The following PDZD8 variants were observed in gnomAD, a reference collection of about 807,000 sequenced individuals.
PDZD8 encodes the protein PDZ domain-containing protein 8.
In PDZD8, 14 loss-of-function variants were observed where a neutral mutation model predicts 85.8. The observed-to-expected ratio is 0.16, with a 90% CI of 0.11 to 0.26. The LOEUF is 0.26. Among genes scored for constraint, PDZD8 ranks in the 10% least tolerant of loss-of-function variants. The pLI, the probability that PDZD8 is intolerant of heterozygous loss-of-function variation, is 1.00. For missense variants in PDZD8, 1,197 were observed against 1,424.3 expected, an observed-to-expected ratio of 0.84 and a Z score of 2.57; for synonymous variants, 592 against 568.6, an observed-to-expected ratio of 1.04 and a Z score of -0.59.
At chr10:117,289,866 C>T (rs1844725957) in intron 4 of PDZD8, among the ~76,000 whole-genome samples, 1 of 152,034 alleles carries the variant, frequency 6.6e-6, no homozygotes, top group Admixed American at 6.6e-5. Flanking sequence ...TGTTTATTTG[C>T]CCTTACTTTC....
At chr10:117,325,425 C>CA (rs1233379409) in intron 2 of PDZD8, among the ~76,000 whole-genome samples, 2 of 9,792 alleles carry the variant, frequency 2.0e-4, no homozygotes, top group African/African-American at 4.0e-4. Context: ...TTTTTTGAGA[C>CA]AGAGTCTAGC....
intron 3 of PDZD8, among the ~76,000 whole-genome samples, chr10:117,317,333 T>G (rs1282621876): frequency 1.3e-5 from 2 of 152,170 alleles, no homozygotes; most frequent in African/African-American, 4.8e-5. Context: ...TGAATCCTAC[T>G]CCCTGATGTT....
chr10:117,373,870 T>C (rs559109049), intron 1 of PDZD8, among the ~76,000 whole-genome samples: 1 of 152,332 alleles, frequency 6.6e-6, no homozygotes, highest in East Asian at 1.9e-4. Context: ...AAAGCAAAAG[T>C]GGCTTGCAAT....
chr10:117,344,131 C>T (rs546579204), intron 1 of PDZD8, among the ~76,000 whole-genome samples: 5 of 152,130 alleles, frequency 3.3e-5, no homozygotes, highest in Non-Finnish European at 7.3e-5. Flanking sequence ...ACTTAAAAAC[C>T]CAAACTAGGA....
intron 3 of PDZD8, among the ~76,000 whole-genome samples, chr10:117,306,612 C>T (rs928626590): frequency 8.6e-5 from 13 of 151,846 alleles, no homozygotes; most frequent in African/African-American, 3.1e-4. Flanking sequence ...AGATGACTTA[C>T]ATCTTACTAA....
Position 117,374,468 on chromosome 10 carries a change from C to T in PDZD8, c.760G>A (p.Glu254Lys). The stretch of plus-strand genomic sequence containing the variant: ...CGCCCTTCAAACTGGGAGCGCACCT[C>T]GAAGTCGATCAGCGGGTCTTCCACG... Reference protein sequence around the residue: ...SFVEDPLIDFEVRSQFEGRPM... With the variant: ...SFVEDPLIDFKVRSQFEGRPM... Residue 254 changes from glutamate (E) to lysine (K), a missense_variant, in exon 1 of 5, where the codon GAG becomes AAG. By Grantham distance (56) the Glu-to-Lys change is moderately conservative. Coordinates refer to ENST00000334464, the MANE Select transcript of PDZD8 (RefSeq NM_173791.5). The surrounding 1 kb of genome is among the most constrained non-coding windows in gnomAD (Gnocchi z 7.8). 6.2e-7 allele frequency: 1 copy of T among 1,614,114 alleles called. No homozygotes were observed. Among genetic ancestry groups the T allele is most frequent in the South Asian group, 1.1e-5 (1 of 91,064 alleles).
rs547819859 is a variant in PDZD8 at position 117,348,566 on chromosome 10, T to C, written c.873-7464A>G. Reference sequence around the variant, plus strand: ...TTGGGTTTTGGTGAGGCCTTTCTCCTTGGCTTGGCGATGGCTGCCTTCTCA... The same window carrying C: ...TTGGGTTTTGGTGAGGCCTTTCTCCCTGGCTTGGCGATGGCTGCCTTCTCA... On this transcript the variant is annotated intron_variant, in intron 1 of 4. Transcript: ENST00000334464. Among the ~76,000 whole-genome samples the C allele has an allele frequency of 7.2e-5, 11 of 152,318 alleles. No individual in the cohort carries two copies. The South Asian group carries it at 2.3e-3, about 32-fold the overall frequency.
At chr10:117,326,204 T>G (rs1411206785) in intron 2 of PDZD8, among the ~76,000 whole-genome samples, 1 of 152,188 alleles carries the variant, frequency 6.6e-6, no homozygotes, top group African/African-American at 2.4e-5. Context: ...ACCTCCAATA[T>G]CTGGCTCCAT....
At chr10:117,356,292 T>C (rs1267002825) in intron 1 of PDZD8, among the ~76,000 whole-genome samples, 1 of 151,986 alleles carries the variant, frequency 6.6e-6, no homozygotes, top group Admixed American at 6.6e-5. Context: ...GCTGAGACAT[T>C]TGTGACATAA....
chr10:117,318,567 A>G (rs1844170057), intron 3 of PDZD8, among the ~76,000 whole-genome samples: 1 of 152,204 alleles, frequency 6.6e-6, no homozygotes. Flanking sequence ...CTCTGAATTC[A>G]CATGTATTTG....
At chr10:117,362,035 G>A (rs1845007860) in intron 1 of PDZD8, among the ~76,000 whole-genome samples, 1 of 152,072 alleles carries the variant, frequency 6.6e-6, no homozygotes, top group African/African-American at 2.4e-5. Flanking sequence ...TGGATACTGA[G>A]GGATGATTAT....
chr10:117,364,234 G>A (rs1415968798), intron 1 of PDZD8, among the ~76,000 whole-genome samples: 1 of 151,724 alleles, frequency 6.6e-6, no homozygotes, highest in East Asian at 1.9e-4. Flanking sequence ...CTGTGTGTCT[G>A]TCTGTCTAAA....
chr10:117,319,431 A>T (rs1306695670), intron 2 of PDZD8, among the ~76,000 whole-genome samples: 1 of 27,242 alleles, frequency 3.7e-5, no homozygotes, highest in Non-Finnish European at 1.9e-4. Context: ...ACACACACAC[A>T]CACTCTTCAT....
chr10:117,374,263 C>G lies in PDZD8; in HGVS notation c.872+93G>C. 6.5e-7 allele frequency: 1 copy of G among 1,541,624 alleles called. No homozygotes were observed. Among genetic ancestry groups the G allele is most frequent in the Middle Eastern group, 2.2e-4 (1 of 4,542 alleles). On this transcript the variant is annotated intron_variant, in intron 1 of 4. Transcript: ENST00000334464. This position sits in a 1 kb window ranked among gnomAD's most constrained non-coding sequence, Gnocchi z 7.8. ...AAGGCCCCAGAAGCAGGCGCCAGGACAGAAATGAGCCTTTGCCCTTCCCAA... is the reference window on the plus strand; with the variant it reads ...AAGGCCCCAGAAGCAGGCGCCAGGAGAGAAATGAGCCTTTGCCCTTCCCAA...
intron 2 of PDZD8, among the ~76,000 whole-genome samples, chr10:117,339,826 A>C (rs1305597374): frequency 6.6e-6 from 1 of 152,160 alleles, no homozygotes; most frequent in African/African-American, 2.4e-5. Context: ...CTGAAGCACT[A>C]TGAATGAGGG....
At chr10:117,319,414 C>G (rs1310535311) in intron 2 of PDZD8, among the ~76,000 whole-genome samples, 2 of 87,618 alleles carry the variant, frequency 2.3e-5, no homozygotes, top group Non-Finnish European at 5.8e-5. Flanking sequence ...CACACACACA[C>G]ACACACACAC....
At chr10:117,329,462 G>C (rs1242955989) in intron 2 of PDZD8, among the ~76,000 whole-genome samples, 1 of 152,018 alleles carries the variant, frequency 6.6e-6, no homozygotes, top group Non-Finnish European at 1.5e-5. Flanking sequence ...ATTTATACCG[G>C]AGGTTGAAAA....
At chr10:117,357,622 C>T (rs1412259331) in intron 1 of PDZD8, among the ~76,000 whole-genome samples, 6 of 150,850 alleles carry the variant, frequency 4.0e-5, no homozygotes, top group Non-Finnish European at 7.4e-5. Context: ...AAAAATTAGC[C>T]GGGCATGGTG....
chr10:117,325,404 C>CTTTTTCTTTTTT (rs1844298370), intron 2 of PDZD8, among the ~76,000 whole-genome samples: 1 of 99,824 alleles, frequency 1.0e-5, no homozygotes. Context: ...GAAAAGCCAA[C>CTTTTTCTTTTTT]TTTTTTTTTT....
Sources: allele counts gnomAD v4.1 joint callset (sites outside exome capture counted in the v4.1 genomes callset), GRCh38; gene constraint gnomAD v4.1.1; non-coding constraint Gnocchi (gnomAD v3.1); transcripts MANE v1.5; gene names NCBI Gene and HGNC (gene_info 2026-07-23, HGNC 2026-07-21).